Variants in GAK observed in about 807,000 individuals in gnomAD.
The protein encoded by GAK is cyclin G associated kinase, also known as cyclin-G-associated kinase.
A neutral mutation model predicts 143.9 loss-of-function variants in GAK; 79 were observed. That is an observed-to-expected ratio of 0.55 (90% CI 0.46 to 0.66). GAK has a LOEUF of 0.66. Among genes scored for constraint, GAK ranks in the 30% least tolerant of loss-of-function variants. GAK has a pLI of 0.00. For missense variants in GAK, 1,693 were observed against 1,779.7 expected (o/e 0.95, Z 0.88); for synonymous variants, 881 against 765.5 (o/e 1.15, Z -2.49).
chr4:867,133 G>A lies in GAK; in HGVS notation c.2695C>T (p.Gln899Ter). The change falls in exon 21 of 28, where the codon CAG becomes TAG. Residue 899 changes from glutamine (Q) to a stop codon, truncating the protein, a stop_gained. Transcript: ENST00000314167. LOFTEE classifies it high-confidence loss of function. ...EVGAGPAVPP[Q>*]ACKAPSSNTD... ...TTGCTGGAGGGGGCCTTGCAGGCCT[G>A]CGGGGGTACAGCTGGCCCTGCGCCC... 6.3e-7 allele frequency: 1 copy of A among 1,588,044 alleles called. No individual in the cohort carries two copies. The highest frequency in any genetic ancestry group is 8.6e-7 in the Non-Finnish European group (1 of 1,163,946).
chr4:889,021 C>A (rs769805863), intron 10 of GAK, 51 bp from the exon 11 acceptor site: 5 of 1,557,310 alleles, frequency 3.2e-6, no homozygotes, highest in Non-Finnish European at 4.3e-6. Flanking sequence ...TCCCACCTCC[C>A]CAGGTGCGGG....
At chr4:859,417 C>A in intron 24 of GAK, 189 bp downstream of exon 24, 1 of 1,547,762 alleles carries the variant, frequency 6.5e-7, no homozygotes, top group East Asian at 2.4e-5. Context: ...CCGGTTTTAG[C>A]TTGCCAGTTG....
chr4:879,208 A>G (rs1226602083), intron 15 of GAK, among the ~76,000 whole-genome samples: 1 of 151,984 alleles, frequency 6.6e-6, no homozygotes, highest in Non-Finnish European at 1.5e-5. Flanking sequence ...TTCCCCCACC[A>G]TCCTGTTCTG....
At chr4:927,125 C>T (rs1170726959) in intron 1 of GAK, among the ~76,000 whole-genome samples, 3 of 78,144 alleles carry the variant, frequency 3.8e-5, no homozygotes, top group Admixed American at 2.3e-4. Flanking sequence ...ACCTGCAGTC[C>T]GCACTGCCCC....
intron 11 of GAK, chr4:884,469 G>A (rs1577156909): frequency 4.3e-6 from 1 of 233,614 alleles, no homozygotes. Context: ...CTTGGACGAT[G>A]GTCACGGGTC....
At chr4:893,096 T>G (rs976626551) in intron 9 of GAK, among the ~76,000 whole-genome samples, 2 of 151,714 alleles carry the variant, frequency 1.3e-5, no homozygotes, top group Non-Finnish European at 2.9e-5. Flanking sequence ...CTCCCTCCCC[T>G]CTGTGATAGG....
intron 1 of GAK, among the ~76,000 whole-genome samples, chr4:922,101 G>A (rs557878047): frequency 1.3e-5 from 2 of 152,280 alleles, no homozygotes; most frequent in African/African-American, 4.8e-5. Flanking sequence ...GACCCTATGC[G>A]GAGACGGGCC....
chr4:925,807 C>A lies in GAK; in HGVS notation c.145+6236G>T, dbSNP rs144105915. ...GCGCCTGGACTTCCAGCCTGCAGAG[C>A]CGTGAGGAATAAACAAACGTCTGTG... On this transcript the variant is annotated intron_variant, in intron 1 of 27. Coordinates refer to ENST00000314167, the MANE Select transcript of GAK (RefSeq NM_005255.4). Among the ~76,000 whole-genome samples, 285 of 152,346 alleles carry A rather than the reference C, an allele frequency of 1.9e-3. 1 individual carries two copies. Among genetic ancestry groups the A allele is most frequent in the African/African-American group, 6.5e-3 (271 of 41,578 alleles).
rs749053325 is a variant in GAK, at chr4:866,974, C to T, written c.2854G>A (p.Gly952Arg). Residue 952 changes from glycine to arginine, a missense_variant, in exon 21 of 28, where the codon GGA (glycine) becomes AGA (arginine). Coordinates refer to ENST00000314167, the MANE Select transcript of GAK (RefSeq NM_005255.4). ...CACGTACCAGCGGCAGGGGGCCCTC[C>T]TCTTGGGGTGCTCTGCACGCTCAGG... ...PPLSVQSTPRGGPPAAADPFG... is the reference protein window; with the variant it reads ...PPLSVQSTPRRGPPAAADPFG... 3.3e-6 allele frequency: 5 copies of T among 1,493,060 alleles called. No individual in the cohort carries two copies. Among genetic ancestry groups the T allele is most frequent in the Non-Finnish European group, 4.5e-6 (5 of 1,121,616 alleles). The allele number at this position is 1,493,060 out of a possible 1,614,324, so 92.5% of individuals were successfully genotyped here. A position where few individuals can be genotyped will look rare whatever the true frequency, so the allele number is the denominator to read the frequency against.
chr4:932,134 G>A lies in GAK; in HGVS notation c.54C>T (p.Gly18=), dbSNP rs764449560. 5 of 1,585,978 alleles carry A rather than the reference G, an allele frequency of 3.2e-6. No individual in the cohort carries two copies. The highest frequency in any genetic ancestry group is 1.7e-4 in the Middle Eastern group (1 of 5,970). The change falls in exon 1 of 28, where the codon GGC becomes GGT. Residue 18 remains glycine, a synonymous_variant. Coordinates refer to ENST00000314167, the MANE Select transcript of GAK (RefSeq NM_005255.4). This position sits in a 1 kb window ranked among gnomAD's most constrained non-coding sequence, Gnocchi z 4.0. ...CACTCTGGTCGCGGCCGGAAGCACC[G>A]CCCAGGGAGCCTGGACCCGCCAAGA... is the stretch of plus-strand genomic sequence containing the variant. The part of the protein sequence containing the change: ...LDFLAGPGSL[G]GASGRDQSDF...
intron 20 of GAK, 146 bp downstream of exon 20, chr4:868,393 G>T: frequency 1.5e-6 from 1 of 679,006 alleles, no homozygotes; most frequent in Non-Finnish European, 2.4e-6. Flanking sequence ...TAAAGAACAG[G>T]CTGACATGCC....
At chr4:872,526 C>G (rs1000535555) in intron 18 of GAK, 2 of 152,380 alleles carry the variant, frequency 1.3e-5, no homozygotes, top group African/African-American at 4.8e-5. Flanking sequence ...GCCACCGCAG[C>G]GGAGGCTCAG....
At chr4:858,706 A>C (rs1196885148) in intron 24 of GAK, among the ~76,000 whole-genome samples, 1 of 152,262 alleles carries the variant, frequency 6.6e-6, no homozygotes, top group Admixed American at 6.5e-5. Flanking sequence ...TGAGCTCGCA[A>C]GAGCAGAGTG....
rs3733355 is a variant in GAK at position 867,495 on chromosome 4, G to A, written c.2396-63C>T. 2.1e-3 allele frequency: 2,640 copies of A among 1,238,814 alleles called. 93 individuals are homozygous for A. In the South Asian group the frequency reaches 0.034, roughly 16 times the overall value. 76.7% of individuals were successfully genotyped at this position (1,238,814 alleles called of 1,614,324 possible). A position where few individuals can be genotyped will look rare whatever the true frequency, so the allele number is the denominator to read the frequency against. On this transcript the variant is annotated intron_variant, in intron 20 of 27. Transcript: ENST00000314167. Reference sequence around the variant, plus strand: ...ACACGGCCAGCACCAGGGTCCCCACGGCGCGTCCCTTCAGGGCCTCCTCGG... The same window carrying A: ...ACACGGCCAGCACCAGGGTCCCCACAGCGCGTCCCTTCAGGGCCTCCTCGG...
At chr4:897,078 G>A (rs1718945720) in intron 6 of GAK, among the ~76,000 whole-genome samples, 1 of 152,230 alleles carries the variant, frequency 6.6e-6, no homozygotes, top group African/African-American at 2.4e-5. Flanking sequence ...AGAGCTGTGA[G>A]GAGAGAGTGA....
chr4:858,752 C>G (rs1036840893), intron 24 of GAK, among the ~76,000 whole-genome samples: 2 of 152,154 alleles, frequency 1.3e-5, no homozygotes, highest in Non-Finnish European at 2.9e-5. Flanking sequence ...AGTGAGGACT[C>G]GAAGCCAGCC....
rs1577144558 is a variant in GAK at position 882,101 on chromosome 4, G to T, written c.1528-61C>A. On this transcript the variant is annotated intron_variant, in intron 14 of 27. Transcript: ENST00000314167. ...ACTCATGCAGGACAAGGGCTCGCGGGGTCCTCGGGCATCCTACCCACCCTG... is the reference window on the plus strand; with the variant it reads ...ACTCATGCAGGACAAGGGCTCGCGGTGTCCTCGGGCATCCTACCCACCCTG... 5.3e-6 allele frequency: 8 copies of T among 1,514,200 alleles called. No individual in the cohort carries two copies. In the East Asian group the frequency reaches 1.5e-4, roughly 28 times the overall value. 93.8% of individuals were successfully genotyped at this position (1,514,200 alleles called of 1,614,324 possible).
intron 23 of GAK, among the ~76,000 whole-genome samples, chr4:863,144 C>A (rs985375474): frequency 6.6e-6 from 1 of 152,232 alleles, no homozygotes; most frequent in African/African-American, 2.4e-5. Context: ...AGAAGCTGAT[C>A]TCAACCCTCA....
intron 1 of GAK, among the ~76,000 whole-genome samples, chr4:916,714 G>C (rs1341776515): frequency 6.6e-6 from 1 of 152,208 alleles, no homozygotes; most frequent in Non-Finnish European, 1.5e-5. Flanking sequence ...TGAGGATGTG[G>C]AGCGACTGGA....
Sources: allele counts gnomAD v4.1 joint callset (sites outside exome capture counted in the v4.1 genomes callset), GRCh38; gene constraint gnomAD v4.1.1; non-coding constraint Gnocchi (gnomAD v3.1); transcripts MANE v1.5; gene names NCBI Gene and HGNC (gene_info 2026-07-23, HGNC 2026-07-21).